Variants in MED12L observed in about 807,000 individuals in gnomAD.
MED12L encodes the protein mediator of RNA polymerase II transcription subunit 12-like protein.
MED12L carries 60 observed loss-of-function variants against 281.3 expected under a neutral mutation model. The observed-to-expected ratio is 0.21, with a 90% confidence interval of 0.17 to 0.26. The LOEUF is 0.26. MED12L is among the 10% of genes least tolerant of loss of function. The pLI is 1.00. For missense variants in MED12L, 2,146 were observed against 2,680.9 expected (o/e 0.80, Z 4.41); for synonymous variants, 974 against 987.2 (o/e 0.99, Z 0.25).
At chr3:151,425,296 A>G (rs1718754706) in intron 43 of MED12L, 1 of 168,190 alleles carries the variant, frequency 5.9e-6, no homozygotes, top group African/African-American at 2.4e-5. Flanking sequence ...AATTAGCAGC[A>G]CATTTTTGCC....
chr3:151,402,183 G>A (rs767251979), intron 39 of MED12L, among the ~76,000 whole-genome samples: 15 of 152,170 alleles, frequency 9.9e-5, no homozygotes, highest in Non-Finnish European at 1.9e-4. Context: ...TATTATTGGT[G>A]AAATCCTTTG....
chr3:151,244,725 A>C (rs1734982908), intron 16 of MED12L, among the ~76,000 whole-genome samples: 1 of 151,894 alleles, frequency 6.6e-6, no homozygotes, highest in African/African-American at 2.4e-5. Context: ...AGCAAGAGCA[A>C]ACACATTCAA....
chr3:151,193,120 T>C (rs73018641), intron 15 of MED12L, among the ~76,000 whole-genome samples: 12,597 of 152,278 alleles, frequency 0.083, 1,196 homozygotes, highest in African/African-American at 0.22. Flanking sequence ...AAAACCTTTA[T>C]GTCTATTATT....
At chr3:151,360,810 T>C (rs1754513416) in intron 21 of MED12L, among the ~76,000 whole-genome samples, 1 of 152,172 alleles carries the variant, frequency 6.6e-6, no homozygotes, top group African/African-American at 2.4e-5. Context: ...ACAATGTAAA[T>C]GTGTGATCAT....
intron 43 of MED12L, among the ~76,000 whole-genome samples, chr3:151,428,147 G>A (rs1719073888): frequency 6.6e-6 from 1 of 152,190 alleles, no homozygotes; most frequent in South Asian, 2.1e-4. Flanking sequence ...AACTGCATAT[G>A]TTCAGATTCC....
At chr3:151,235,238 C>T (rs1358925415) in intron 16 of MED12L, among the ~76,000 whole-genome samples, 1 of 152,192 alleles carries the variant, frequency 6.6e-6, no homozygotes, top group Non-Finnish European at 1.5e-5. Context: ...GCATGTTTTC[C>T]TCAGTCTCAT....
At chr3:151,189,574 C>T (rs1189159221) in intron 13 of MED12L, among the ~76,000 whole-genome samples, 3 of 152,194 alleles carry the variant, frequency 2.0e-5, no homozygotes, top group African/African-American at 7.2e-5. Context: ...TAGTTCATCT[C>T]ATTTACTGTC....
chr3:151,166,431 A>G (rs1720725488), intron 11 of MED12L, among the ~76,000 whole-genome samples: 1 of 152,114 alleles, frequency 6.6e-6, no homozygotes, highest in Admixed American at 6.6e-5. Flanking sequence ...CAATAGAAAA[A>G]AAGTGTGTGT....
At chr3:151,106,554 T>G (rs1288264108) in intron 2 of MED12L, among the ~76,000 whole-genome samples, 1 of 152,164 alleles carries the variant, frequency 6.6e-6, no homozygotes, top group African/African-American at 2.4e-5. Context: ...AGACCCTGCA[T>G]AGTCTCTCCC....
At chr3:151,240,122 C>T (rs1271915274) in intron 16 of MED12L, among the ~76,000 whole-genome samples, 1 of 151,816 alleles carries the variant, frequency 6.6e-6, no homozygotes, top group Non-Finnish European at 1.5e-5. Flanking sequence ...CCATAACTGT[C>T]AGGACCATTG....
intron 7 of MED12L, among the ~76,000 whole-genome samples, chr3:151,159,064 A>G (rs1719659342): frequency 6.6e-6 from 1 of 152,232 alleles, no homozygotes; most frequent in Admixed American, 6.5e-5. Context: ...ATCACTGAGC[A>G]AAGCAACCAA....
intron 41 of MED12L, 75 bp from the exon 42 acceptor site, chr3:151,413,064 T>C (rs1276775348): frequency 1.3e-6 from 2 of 1,512,148 alleles, no homozygotes; most frequent in Non-Finnish European, 1.8e-6. Context: ...TTGGTGTATG[T>C]CATGTGCTGG....
intron 3 of MED12L, among the ~76,000 whole-genome samples, chr3:151,122,087 C>T (rs553074110): frequency 1.3e-5 from 2 of 151,886 alleles, no homozygotes; most frequent in African/African-American, 4.8e-5. Context: ...TTTCTTTTTT[C>T]CTTGTCCATC....
intron 16 of MED12L, among the ~76,000 whole-genome samples, chr3:151,248,248 A>G (rs987209479): frequency 6.6e-6 from 1 of 152,130 alleles, no homozygotes; most frequent in South Asian, 2.1e-4. Flanking sequence ...AACAGCAACT[A>G]TGAGACCTAT....
chr3:151,360,567 A>G lies in MED12L; in HGVS notation c.2919A>G (p.Ser973=), dbSNP rs776014177. ...ILAYLYDLYV[S]CSHLRSKFGD... ...CCTACCTCTATGATCTCTATGTGTC[A>G]TGTAGCCACCTCAGAAGTAAATTTG... Residue 973 remains serine (S), a synonymous_variant, in exon 21 of 45, where the codon TCA becomes TCG. Transcript: ENST00000687756. 18 of 1,612,744 alleles carry G rather than the reference A, an allele frequency of 1.1e-5. No individual in the cohort carries two copies. Among genetic ancestry groups the G allele is most frequent in the Admixed American group, 6.7e-5 (4 of 59,936 alleles).
chr3:151,365,318 C>T (rs551355201), intron 22 of MED12L, 112 bp downstream of exon 22: 3 of 851,294 alleles, frequency 3.5e-6, no homozygotes, highest in South Asian at 3.2e-5. Context: ...CTATCATTTG[C>T]TTTTTCTAAA....
At chr3:151,141,189 T>TTTTTTTTTTTTTTG (rs1553808533) in intron 5 of MED12L, among the ~76,000 whole-genome samples, 2 of 138,090 alleles carry the variant, frequency 1.4e-5, no homozygotes, top group Non-Finnish European at 3.1e-5. Context: ...TTTTTTTTGT[T>TTTTTTTTTTTTTTG]TTTTTTTTTT....
intron 13 of MED12L, among the ~76,000 whole-genome samples, chr3:151,188,947 C>CTT (rs3069359): frequency 0.013 from 1,903 of 151,936 alleles, 32 homozygotes; most frequent in African/African-American, 0.038. Flanking sequence ...ATCTCAAGCT[C>CTT]TTTTTTTTGC....
chr3:151,295,969 C>A (rs1397171876), intron 16 of MED12L, among the ~76,000 whole-genome samples: 1 of 152,156 alleles, frequency 6.6e-6, no homozygotes, highest in Non-Finnish European at 1.5e-5. Context: ...TAAATATTTA[C>A]ATGTCATCTA....
Sources: allele counts gnomAD v4.1 joint callset (sites outside exome capture counted in the v4.1 genomes callset), GRCh38; gene constraint gnomAD v4.1.1; transcripts MANE v1.5; gene names NCBI Gene and HGNC (gene_info 2026-07-23, HGNC 2026-07-21).